Variants in NLGN4X observed in about 807,000 individuals in gnomAD.
The protein encoded by NLGN4X is neuroligin-4, X-linked.
In NLGN4X, 3 loss-of-function variants were observed where a neutral mutation model predicts 40.3. That is an observed-to-expected ratio of 0.07 (90% CI 0.03 to 0.19). The LOEUF (loss-of-function observed/expected upper bound fraction) is 0.19, where lower values mean the gene tolerates loss of function less well. NLGN4X is among the 10% of genes least tolerant of loss of function. NLGN4X has a pLI of 1.00. For synonymous variants in NLGN4X, 270 were observed against 306.8 expected (o/e 0.88, Z 1.25); for missense variants, 382 against 708.3 (o/e 0.54, Z 5.23).
intron 2 of NLGN4X, among the ~76,000 whole-genome samples, chrX:6,118,218 C>T (rs773446988): frequency 9.0e-6 from 1 of 110,771 alleles, no homozygotes; most frequent in Non-Finnish European, 1.9e-5. Context: ...GTTGGAAATG[C>T]GATTCAGTCT....
At position 6,032,225 on chromosome X, in the gene NLGN4X, G is replaced by GC. The variant is rs57126739; in HGVS notation, c.473-2794dup. Among the ~76,000 whole-genome samples the GC allele has an allele frequency of 4.3e-3, 309 of 71,053 alleles. 3 individuals carry two copies. The highest frequency in any genetic ancestry group is 0.014 in the African/African-American group (222 of 16,415). The allele number at this position is 71,053 out of a possible 115,157, so 61.7% of individuals were successfully genotyped here. A position where few individuals can be genotyped will look rare whatever the true frequency, so the allele number is the denominator to read the frequency against. ...GAAGAAAAAAAAAACTGATATTTCA[G>GC]CCCCCCCCCCCCCAAAAAAAATTCT... is the stretch of plus-strand genomic sequence containing the variant. On this transcript the variant is annotated intron_variant, in intron 2 of 5. Coordinates refer to ENST00000381095, the MANE Select transcript of NLGN4X (RefSeq NM_181332.3).
At chrX:6,037,635 G>A (rs1469609169) in intron 2 of NLGN4X, among the ~76,000 whole-genome samples, 1 of 109,580 alleles carries the variant, frequency 9.1e-6, no homozygotes, top group Admixed American at 9.9e-5. Flanking sequence ...ATAGTTTACT[G>A]CATATTCGTT....
chrX:6,216,881 T>C (rs747441689), intron 1 of NLGN4X, among the ~76,000 whole-genome samples: 2 of 111,996 alleles, frequency 1.8e-5, no homozygotes, highest in South Asian at 3.7e-4. Context: ...ACTCCTGATA[T>C]ACTCCTCAAG....
intron 3 of NLGN4X, among the ~76,000 whole-genome samples, chrX:5,951,115 T>G (rs1021008374): frequency 2.2e-4 from 25 of 112,198 alleles, no homozygotes; most frequent in African/African-American, 8.1e-4. Flanking sequence ...TTTAATGAAT[T>G]TATTCTTTTA....
At chrX:5,933,467 T>C (rs1205049308) in intron 3 of NLGN4X, among the ~76,000 whole-genome samples, 1 of 112,008 alleles carries the variant, frequency 8.9e-6, no homozygotes, top group Non-Finnish European at 1.9e-5. Context: ...TGATGTATTC[T>C]ATATATTTTT....
At chrX:6,210,766 T>C (rs992681271) in intron 1 of NLGN4X, among the ~76,000 whole-genome samples, 1 of 112,556 alleles carries the variant, frequency 8.9e-6, no homozygotes, top group Non-Finnish European at 1.9e-5. Context: ...AGGGAAGCTA[T>C]ATCAATTAAA....
chrX:5,915,982 C>G (rs1601879074), intron 3 of NLGN4X, among the ~76,000 whole-genome samples: 1 of 111,840 alleles, frequency 8.9e-6, no homozygotes, highest in Non-Finnish European at 1.9e-5. Context: ...GGGTCTGCAT[C>G]CTAGTGTCTG....
Position 6,114,022 on chromosome X carries a change from T to A in NLGN4X, c.472+36973A>T, listed in dbSNP as rs146164200. 5.0e-4 allele frequency among the ~76,000 whole-genome samples: 56 copies of A among 111,475 alleles called. No individual in the cohort carries two copies. The East Asian group carries it at 0.015, about 30-fold the overall frequency. ...TTTTAGTAGAGAGGGGGTTTCACCA[T>A]GTTGGCCAAGCTGGTATTGAACTCC... On this transcript the variant is annotated intron_variant, in intron 2 of 5. Transcript: ENST00000381095.
At chrX:6,112,341 A>G (rs1386838186) in intron 2 of NLGN4X, among the ~76,000 whole-genome samples, 1 of 111,533 alleles carries the variant, frequency 9.0e-6, no homozygotes, top group Non-Finnish European at 1.9e-5. Flanking sequence ...TCCCTCAGGA[A>G]TTTGAAAAAA....
At chrX:6,066,700 G>C (rs997436540) in intron 2 of NLGN4X, among the ~76,000 whole-genome samples, 4 of 110,489 alleles carry the variant, frequency 3.6e-5, no homozygotes. Flanking sequence ...CAGGAGAATC[G>C]CGTGAACGCA....
chrX:6,143,433 T>C (rs1423486441), intron 2 of NLGN4X, among the ~76,000 whole-genome samples: 1 of 112,201 alleles, frequency 8.9e-6, no homozygotes, highest in Non-Finnish European at 1.9e-5. Context: ...CAGCAGTGTT[T>C]GTAAGTAGGA....
At chrX:5,991,645 T>C (rs752573083) in intron 3 of NLGN4X, 341 of 406,801 alleles carry the variant, frequency 8.4e-4, no homozygotes, top group Non-Finnish European at 1.4e-3. Context: ...ATTACATCCA[T>C]CAGTGCTAAT....
rs2031227242 is a variant in NLGN4X at position 5,892,426 on chromosome X, T to TA, written c.*390dup. The TA allele has an allele frequency of 2.0e-5, 4 of 195,867 alleles. No individual in the cohort carries two copies. The East Asian group carries it at 5.2e-4, about 26-fold the overall frequency. 16.1% of individuals were successfully genotyped at this position (195,867 alleles called of 1,213,427 possible). On this transcript the variant is annotated 3_prime_UTR_variant, in exon 6 of 6. Coordinates refer to ENST00000381095, the MANE Select transcript of NLGN4X (RefSeq NM_181332.3). ...GAAATGTTTAAACTTCCATTGTAAT[T>TA]AAAAAATATCAAGTGTCCTTGGCTG...
At chrX:5,898,930 G>A (rs1456538542) in intron 5 of NLGN4X, among the ~76,000 whole-genome samples, 3 of 111,503 alleles carry the variant, frequency 2.7e-5, no homozygotes, top group Admixed American at 9.5e-5. Context: ...GGAGTGATCG[G>A]GCCACCACCC....
intron 2 of NLGN4X, among the ~76,000 whole-genome samples, chrX:6,135,736 A>G (rs1045115140): frequency 9.0e-6 from 1 of 111,720 alleles, no homozygotes; most frequent in Non-Finnish European, 1.9e-5. Context: ...AAAGGATGAC[A>G]TACTAGGAAA....
chrX:6,213,491 G>A (rs1301686262), intron 1 of NLGN4X, among the ~76,000 whole-genome samples: 1 of 111,896 alleles, frequency 8.9e-6, no homozygotes, highest in Non-Finnish European at 1.9e-5. Flanking sequence ...TCTTAGTAAC[G>A]TACTAATGTT....
intron 5 of NLGN4X, among the ~76,000 whole-genome samples, chrX:5,894,525 A>C (rs1319697129): frequency 8.1e-5 from 9 of 111,767 alleles, no homozygotes; most frequent in African/African-American, 2.9e-4. Flanking sequence ...TAAAAAAGAC[A>C]CCCAGAAACA....
At chrX:6,220,643 C>T (rs1026798275) in intron 1 of NLGN4X, among the ~76,000 whole-genome samples, 9 of 108,964 alleles carry the variant, frequency 8.3e-5, no homozygotes, top group Non-Finnish European at 1.5e-4. Context: ...TAAACACATA[C>T]TTTCTACTTA....
At chrX:6,051,720 A>G (rs2037498128) in intron 2 of NLGN4X, among the ~76,000 whole-genome samples, 1 of 110,764 alleles carries the variant, frequency 9.0e-6, no homozygotes, top group African/African-American at 3.3e-5. Context: ...TACACCATTT[A>G]CCACCCAGTG....
Sources: allele counts gnomAD v4.1 joint callset (sites outside exome capture counted in the v4.1 genomes callset), GRCh38; gene constraint gnomAD v4.1.1; transcripts MANE v1.5; gene names NCBI Gene and HGNC (gene_info 2026-07-23, HGNC 2026-07-21).